Variants in DCP2 observed in about 807,000 individuals in gnomAD.
DCP2 encodes the protein decapping mRNA 2, also known as m7GpppN-mRNA hydrolase.
A neutral mutation model predicts 56.1 loss-of-function variants in DCP2; 30 were observed. The observed-to-expected ratio is 0.53, with a 90% CI of 0.40 to 0.73. The LOEUF (loss-of-function observed/expected upper bound fraction) is 0.73. DCP2 is among the 30% of genes least tolerant of loss of function. The probability of loss-of-function intolerance (pLI) is 0.00; values close to 1 mark genes in which losing one functional copy is unlikely to be tolerated. For missense variants in DCP2, 533 were observed against 502.7 expected, an observed-to-expected ratio of 1.06 and a Z score of -0.58; for synonymous variants, 197 against 163.3, an observed-to-expected ratio of 1.21 and a Z score of -1.57.
intron 4 of DCP2, among the ~76,000 whole-genome samples, chr5:112,993,725 A>C (rs530689379): frequency 2.0e-5 from 3 of 150,862 alleles, no homozygotes; most frequent in Non-Finnish European, 4.4e-5. Flanking sequence ...GCTCCTATCT[A>C]GATATGTTTC....
intron 4 of DCP2, among the ~76,000 whole-genome samples, chr5:113,000,419 CA>C (rs200519704): frequency 0.035 from 4,215 of 119,372 alleles, 165 homozygotes; most frequent in Middle Eastern, 0.08. Context: ...CACACACACA[CA>C]CACACCCACA....
intron 1 of DCP2, among the ~76,000 whole-genome samples, chr5:112,980,434 C>T (rs1373560555): frequency 1.3e-5 from 2 of 152,182 alleles, no homozygotes; most frequent in South Asian, 2.1e-4. Context: ...CTACTAATTG[C>T]AATCCTTGTG....
At chr5:112,987,465 G>A (rs772112572) in intron 2 of DCP2, among the ~76,000 whole-genome samples, 8 of 151,686 alleles carry the variant, frequency 5.3e-5, no homozygotes, top group Non-Finnish European at 1.0e-4. Flanking sequence ...CCGCCCGCCC[G>A]ACAAACCGAG....
chr5:113,021,732 T>A lies in DCP2; in HGVS notation c.*8248T>A, dbSNP rs929738951. ...TTACTTTGCTTCCATAGTGAAAACT[T>A]GAGAACATTGTAATCTTTCTCTAAC... On this transcript the variant is annotated 3_prime_UTR_variant, in exon 11 of 11. Coordinates refer to ENST00000389063, the MANE Select transcript of DCP2 (RefSeq NM_152624.6). Among the ~76,000 whole-genome samples the A allele has an allele frequency of 2.8e-4, 42 of 152,320 alleles. No individual in the cohort carries two copies. The highest frequency in any genetic ancestry group is 2.4e-3 in the Admixed American group (37 of 15,300).
chr5:112,979,856 T>G (rs977248764), intron 1 of DCP2, among the ~76,000 whole-genome samples: 1 of 152,168 alleles, frequency 6.6e-6, no homozygotes, highest in East Asian at 1.9e-4. Flanking sequence ...AAATACTTAT[T>G]TAGTCCCTTG....
At chr5:112,993,637 A>C (rs1391566021) in intron 4 of DCP2, among the ~76,000 whole-genome samples, 4 of 134,838 alleles carry the variant, frequency 3.0e-5, no homozygotes, top group Non-Finnish European at 6.5e-5. Context: ...AAAAAAAAAA[A>C]AACCAAAAAA....
At chr5:113,003,124 T>C (rs1561699998) in intron 7 of DCP2, among the ~76,000 whole-genome samples, 3 of 149,614 alleles carry the variant, frequency 2.0e-5, no homozygotes, top group African/African-American at 7.5e-5. Flanking sequence ...AATGCCCTGA[T>C]GTCTTTCAGA....
intron 1 of DCP2, chr5:112,984,702 AAATATATAT>A (rs1290548853): frequency 3.7e-5 from 4 of 107,238 alleles, no homozygotes; most frequent in Non-Finnish European, 5.5e-5. Flanking sequence ...AAAAAAAAAA[AAATATATAT>A]ATATATATAT....
At chr5:113,001,733 A>C in intron 7 of DCP2, 59 bp downstream of exon 7, 1 of 1,493,314 alleles carries the variant, frequency 6.7e-7, no homozygotes, top group Non-Finnish European at 9.3e-7. Context: ...GTGGAATAAT[A>C]GTATTTTGCT....
chr5:113,000,325 C>G (rs1418528394), intron 4 of DCP2, among the ~76,000 whole-genome samples: 1 of 151,672 alleles, frequency 6.6e-6, no homozygotes, highest in Non-Finnish European at 1.5e-5. Context: ...TCTGTGGCCT[C>G]CCAAAGTACT....
At chr5:112,982,405 C>A (rs150060584) in intron 1 of DCP2, among the ~76,000 whole-genome samples, 22 of 152,310 alleles carry the variant, frequency 1.4e-4, no homozygotes, top group Admixed American at 1.1e-3. Flanking sequence ...ATGGTACTTA[C>A]TCTTTCTTGA....
At chr5:113,000,078 AAAAAG>A (rs1398494805) in intron 4 of DCP2, among the ~76,000 whole-genome samples, 3 of 151,524 alleles carry the variant, frequency 2.0e-5, no homozygotes, top group Non-Finnish European at 4.4e-5. Flanking sequence ...AAAAAAAAAA[AAAAAG>A]AAGAAGAAAA....
chr5:113,005,647 C>A (rs1402728723), intron 8 of DCP2, among the ~76,000 whole-genome samples: 1 of 152,142 alleles, frequency 6.6e-6, no homozygotes, highest in Non-Finnish European at 1.5e-5. Context: ...CAATTCCATT[C>A]CTAGGTAATA....
At chr5:112,982,138 G>GT (rs1748035322) in intron 1 of DCP2, among the ~76,000 whole-genome samples, 1 of 152,050 alleles carries the variant, frequency 6.6e-6, no homozygotes, top group Non-Finnish European at 1.5e-5. Context: ...TAACTTTGGT[G>GT]TTTTTGCTTC....
rs868033223 is a variant in DCP2, at chr5:113,007,974, C to A, written c.979C>A (p.Gln327Lys). 1 of 1,613,744 alleles carries A rather than the reference C, an allele frequency of 6.2e-7. No homozygotes were observed. The highest frequency in any genetic ancestry group is 8.5e-7 in the Non-Finnish European group (1 of 1,179,822). ...GAGGGGAAATGGCAGAAAACAGTAT[C>A]AAGATTCACCTAATCAAAAGAAAAG... ...SMRGNGRKQY[Q>K]DSPNQKKRTN... Residue 327 changes from glutamine (Q) to lysine (K), a missense_variant, in exon 9 of 11, where the codon CAA (glutamine) becomes AAA (lysine). Around this residue, in one of 3 missense-constraint regions of DCP2, gnomAD observed 392 missense variants for 346.6 expected, o/e 1.13. Coordinates refer to ENST00000389063, the MANE Select transcript of DCP2 (RefSeq NM_152624.6).
At chr5:113,007,103 C>T (rs1016006497) in intron 8 of DCP2, among the ~76,000 whole-genome samples, 3 of 151,690 alleles carry the variant, frequency 2.0e-5, no homozygotes, top group African/African-American at 4.8e-5. Context: ...TGTGCTCCGG[C>T]CTGGGCAACA....
In DCP2 at chr5:113,013,606, G is replaced by T; in HGVS notation, c.*122G>T. On this transcript the variant is annotated 3_prime_UTR_variant, in exon 11 of 11. Transcript: ENST00000389063. ...AATGCAGGGAGGCAATGTTTCTGAA[G>T]ACATTTTCTGTTTATAAGAGAGTAG... The T allele has an allele frequency of 8.5e-7, 1 of 1,174,854 alleles. No homozygotes were observed. Among genetic ancestry groups the T allele is most frequent in the Non-Finnish European group, 1.2e-6 (1 of 833,842 alleles). 72.8% of individuals were successfully genotyped at this position (1,174,854 alleles called of 1,614,324 possible). A position where few individuals can be genotyped will look rare whatever the true frequency, so the allele number is the denominator to read the frequency against.
At chr5:113,009,920 CCTTTTTTTTT>C (rs1193491643) in intron 9 of DCP2, among the ~76,000 whole-genome samples, 2 of 134,966 alleles carry the variant, frequency 1.5e-5, no homozygotes, top group African/African-American at 2.8e-5. Flanking sequence ...TCTTTTTTTT[CCTTTTTTTTT>C]TTTTTGAGAC....
chr5:112,977,026 TTC>T, intron 1 of DCP2, 40 bp downstream of exon 1: 1 of 1,460,756 alleles, frequency 6.8e-7, no homozygotes, highest in East Asian at 2.6e-5. Flanking sequence ...CCGTCGGGTT[TTC>T]TCAGTTTCGC....
Sources: allele counts gnomAD v4.1 joint callset (sites outside exome capture counted in the v4.1 genomes callset), GRCh38; gene constraint gnomAD v4.1.1; regional missense constraint gnomAD v4.1.1; transcripts MANE v1.5; gene names NCBI Gene and HGNC (gene_info 2026-07-23, HGNC 2026-07-21).